The following ZNHIT3 variants were observed in gnomAD, a reference collection of about 807,000 sequenced individuals.
ZNHIT3 encodes zinc finger HIT-type containing 3.
A neutral mutation model predicts 19.9 loss-of-function variants in ZNHIT3; 27 were observed. The observed-to-expected ratio is 1.36, with a 90% confidence interval of 1.00 to 1.87. The LOEUF is 1.87. Ranked by LOEUF, ZNHIT3 falls within the 40% of genes most tolerant of loss-of-function variation. ZNHIT3 has a pLI of 0.00. For missense variants in ZNHIT3, 215 were observed against 185.6 expected, an observed-to-expected ratio of 1.16 and a Z score of -0.92; for synonymous variants, 81 against 65.7, an observed-to-expected ratio of 1.23 and a Z score of -1.13.
At chr17:36,494,243 C>T (rs1384938208) in intron 4 of ZNHIT3, among the ~76,000 whole-genome samples, 8 of 152,192 alleles carry the variant, frequency 5.3e-5, no homozygotes, top group Non-Finnish European at 4.4e-5. Context: ...TCCTTCAAGC[C>T]TTGGTTCAAG....
chr17:36,498,797 T>C, downstream of ZNHIT3: 1 of 596,930 alleles, frequency 1.7e-6, no homozygotes, highest in Non-Finnish European at 3.0e-6. Context: ...TCCATCAAGA[T>C]ATAACTGATA....
chr17:36,492,687 C>T (rs1344219625), intron 2 of ZNHIT3, 126 bp from the exon 3 acceptor site: 2 of 779,554 alleles, frequency 2.6e-6, no homozygotes, highest in African/African-American at 3.5e-5. Context: ...TTCCACATTC[C>T]TGGGCACCCA....
chr17:36,491,280 G>A (rs1022702562), intron 2 of ZNHIT3: 29 of 152,204 alleles, frequency 1.9e-4, no homozygotes, highest in African/African-American at 7.0e-4. Flanking sequence ...AGCTTCTGAG[G>A]TCAGATGAGA....
At chr17:36,499,029 C>T (rs769910377), downstream of ZNHIT3, 23 of 1,496,772 alleles carry the variant, frequency 1.5e-5, no homozygotes, top group Non-Finnish European at 2.0e-5. Flanking sequence ...CATCTGGTCC[C>T]CAAAATTGAT....
chr17:36,490,705 T>C (rs936425002), intron 2 of ZNHIT3: 1 of 152,264 alleles, frequency 6.6e-6, no homozygotes, highest in Non-Finnish European at 1.5e-5. Flanking sequence ...ATTTTTCTTA[T>C]TGGTGGATAT....
intron 2 of ZNHIT3, 64 bp from the exon 3 acceptor site, chr17:36,492,749 A>AG: frequency 1.4e-6 from 2 of 1,427,244 alleles, no homozygotes; most frequent in Non-Finnish European, 2.0e-6. Flanking sequence ...CTACCTTGGT[A>AG]GGGAGGTGCA....
chr17:36,490,386 T>C (rs1157493802), intron 2 of ZNHIT3: 1 of 152,232 alleles, frequency 6.6e-6, no homozygotes, highest in Non-Finnish European at 1.5e-5. Context: ...GAAAAGTCAG[T>C]TGGCTGTAAA....
At chr17:36,494,754 A>G (rs1026705628) in intron 4 of ZNHIT3, among the ~76,000 whole-genome samples, 5 of 152,138 alleles carry the variant, frequency 3.3e-5, no homozygotes, top group Non-Finnish European at 7.3e-5. Flanking sequence ...TGCATGCCAA[A>G]TGGCATGCTT....
chr17:36,493,130 G>GA, intron 3 of ZNHIT3: 1 of 579,628 alleles, frequency 1.7e-6, no homozygotes, highest in Non-Finnish European at 3.1e-6. Flanking sequence ...ACAGAGATGA[G>GA]AAAGGCCATG....
In ZNHIT3 at chr17:36,495,534, A is replaced by C; in HGVS notation, c.*130A>C. 5 of 1,363,130 alleles carry C rather than the reference A, an allele frequency of 3.7e-6. No individual in the cohort carries two copies. Among genetic ancestry groups the C allele is most frequent in the Non-Finnish European group, 4.7e-6 (5 of 1,061,476 alleles). The allele number at this position is 1,363,130 out of a possible 1,614,324, so 84.4% of individuals were successfully genotyped here. A position where few individuals can be genotyped will look rare whatever the true frequency, so the allele number is the denominator to read the frequency against. On this transcript the variant is annotated 3_prime_UTR_variant, in exon 5 of 5. Coordinates refer to ENST00000617429, the MANE Select transcript of ZNHIT3 (RefSeq NM_004773.4). ...AGGTTTCCAGGATGCAGATTAGGTC[A>C]TGCAGGCCTTTACCGGCATTGATGT... is the stretch of plus-strand genomic sequence containing the variant.
At chr17:36,499,168 G>C, downstream of ZNHIT3, 1 of 1,595,312 alleles carries the variant, frequency 6.3e-7, no homozygotes, top group Non-Finnish European at 8.5e-7. Flanking sequence ...TGGCTAAGAG[G>C]TTTGCCCAGA....
chr17:36,493,995 T>C lies in ZNHIT3; in HGVS notation c.275T>C (p.Leu92Ser). The C allele has an allele frequency of 1.2e-6, 2 of 1,611,370 alleles. No individual in the cohort carries two copies. Among genetic ancestry groups the C allele is most frequent in the Non-Finnish European group, 1.7e-6 (2 of 1,177,542 alleles). ...EEEDRVSLQN[L>S]KNLGESATLR... Reference sequence around the variant, plus strand: ...GAAGACAGAGTTTCTTTGCAGAATTTAAAGAATTTAGGTAAGTCTGTGCTA... The same window carrying C: ...GAAGACAGAGTTTCTTTGCAGAATTCAAAGAATTTAGGTAAGTCTGTGCTA... Residue 92 changes from leucine (L) to serine (S), a missense_variant, in exon 4 of 5, where the codon TTA (leucine) becomes TCA (serine). By Grantham distance (145) the Leu-to-Ser change is moderately radical (BLOSUM62 -2). Transcript: ENST00000617429.
downstream of ZNHIT3, chr17:36,496,227 T>C: frequency 6.2e-7 from 1 of 1,612,780 alleles, no homozygotes; most frequent in Non-Finnish European, 8.5e-7. Flanking sequence ...GGAAAAGGCC[T>C]TGTGGAAACA....
downstream of ZNHIT3, chr17:36,498,751 A>G: frequency 1.6e-6 from 1 of 626,808 alleles, no homozygotes; most frequent in Non-Finnish European, 2.8e-6. Context: ...AACTGTGCTT[A>G]GGCCTTACAT....
At chr17:36,488,127 C>A (rs1463047904) in intron 2 of ZNHIT3, among the ~76,000 whole-genome samples, 2 of 146,472 alleles carry the variant, frequency 1.4e-5, no homozygotes, top group African/African-American at 2.5e-5. Context: ...GATGTAGATT[C>A]TTTCAGCTTA....
intron 4 of ZNHIT3, 55 bp from the exon 5 acceptor site, chr17:36,495,168 T>C: frequency 6.6e-7 from 1 of 1,516,146 alleles, no homozygotes; most frequent in South Asian, 1.3e-5. Flanking sequence ...TTTTCAGCCA[T>C]CTCCATGTGT....
intron 2 of ZNHIT3, 102 bp downstream of exon 2, chr17:36,487,068 C>A (rs368371308): frequency 6.7e-7 from 1 of 1,495,186 alleles, no homozygotes; most frequent in East Asian, 2.4e-5. Context: ...CGCTTCCTTT[C>A]CCGCCTCGGG....
chr17:36,495,940 C>A, downstream of ZNHIT3: 2 of 1,024,126 alleles, frequency 2.0e-6, no homozygotes, highest in South Asian at 4.8e-5. Flanking sequence ...AATTGGGATC[C>A]CCAGTGTAGT....
downstream of ZNHIT3, chr17:36,498,312 G>A (rs752409410): frequency 9.9e-6 from 16 of 1,613,870 alleles, no homozygotes; most frequent in Non-Finnish European, 1.3e-5. Context: ...GTCTTGTGCT[G>A]TCTGGACAGT....
Sources: gnomAD v4.1 joint callset for allele counts (sites outside exome capture counted in the v4.1 genomes callset) on GRCh38, gnomAD v4.1.1 for gene constraint, MANE v1.5 for transcripts, NCBI Gene and HGNC (gene_info 2026-07-23, HGNC 2026-07-21) for gene names.